Variants in GNB1L observed in about 807,000 individuals in gnomAD.
The protein encoded by GNB1L is guanine nucleotide-binding protein subunit beta-like protein 1.
A neutral mutation model predicts 29.1 loss-of-function variants in GNB1L; 20 were observed. That is an observed-to-expected ratio of 0.69 (90% CI 0.48 to 1.00). The LOEUF is 1.00. GNB1L is among the 50% of genes least tolerant of loss of function. The pLI, the probability that GNB1L is intolerant of heterozygous loss-of-function variation, is 0.00. For synonymous variants in GNB1L, 193 were observed against 206.5 expected (o/e 0.93, Z 0.56); for missense variants, 421 against 464.9 (o/e 0.91, Z 0.87).
rs1376188746 is a variant in GNB1L at position 19,820,639 on chromosome 22, C to T, written c.213G>A (p.Val71=). The change falls in exon 4 of 8, where the codon GTG becomes GTA. Residue 71 remains valine (V), a synonymous_variant. Transcript: ENST00000329517. ...TTLDGHGGQC[V]TWLQTLPQGR... ...CCTGGGGCAGCGTCTGCAGCCAGGT[C>T]ACACACTGGCCGCCGTGGCCATCCA... is the stretch of plus-strand genomic sequence containing the variant. 4 of 1,613,328 alleles carry T rather than the reference C, an allele frequency of 2.5e-6. No individual in the cohort carries two copies. The highest frequency in any genetic ancestry group is 3.4e-6 in the Non-Finnish European group (4 of 1,179,866).
At position 19,821,329 on chromosome 22, in the gene GNB1L, A is replaced by G. The variant is rs772647614; in HGVS notation, c.27T>C (p.Pro9=). Residue 9 remains proline (P), a synonymous_variant, in exon 3 of 8, where the codon CCT becomes CCC. Coordinates refer to ENST00000329517, the MANE Select transcript of GNB1L (RefSeq NM_053004.3). MTAPCPPP[P]PDPQFVLRGT... ...CTCGGAGGACAAACTGGGGGTCTGGAGGTGGCGGCGGGCAGGGGGCCGTCA... is the reference window on the plus strand; with the variant it reads ...CTCGGAGGACAAACTGGGGGTCTGGGGGTGGCGGCGGGCAGGGGGCCGTCA... 6.2e-7 allele frequency: 1 copy of G among 1,612,940 alleles called. No individual in the cohort carries two copies. The highest frequency in any genetic ancestry group is 8.5e-7 in the Non-Finnish European group (1 of 1,179,676).
chr22:19,805,060 C>G (rs1368375194), intron 6 of GNB1L, among the ~76,000 whole-genome samples: 1 of 152,214 alleles, frequency 6.6e-6, no homozygotes, highest in African/African-American at 2.4e-5. Flanking sequence ...CCAGGCTCTG[C>G]TGCAGTCCCT....
chr22:19,801,095 C>G (rs145736946), intron 7 of GNB1L, among the ~76,000 whole-genome samples: 1 of 152,224 alleles, frequency 6.6e-6, no homozygotes, highest in African/African-American at 2.4e-5. Flanking sequence ...CGGGCCCTGT[C>G]CTTGGTGAGG....
intron 2 of GNB1L, among the ~76,000 whole-genome samples, chr22:19,824,451 A>G (rs528421947): frequency 1.3e-5 from 2 of 152,312 alleles, no homozygotes; most frequent in East Asian, 3.9e-4. Context: ...ACAGAGCACA[A>G]CTTTGGCTTC....
chr22:19,799,500 G>A (rs779435980), intron 7 of GNB1L, among the ~76,000 whole-genome samples: 6 of 152,246 alleles, frequency 3.9e-5, no homozygotes, highest in Non-Finnish European at 8.8e-5. Flanking sequence ...AGTGGCTCTC[G>A]TAGCGCATGA....
chr22:19,847,803 G>GAA lies in GNB1L; in HGVS notation c.-21+6639_-21+6640insTT, dbSNP rs1468350618. ...AACTTTTAAAATCCTGGAATCATAGGCAAAAAAAAAAAAAAAAAAAAATTC... is the reference window on the plus strand; with the variant it reads ...AACTTTTAAAATCCTGGAATCATAGGAACAAAAAAAAAAAAAAAAAAAAATTC... On this transcript the variant is annotated intron_variant, in intron 2 of 7. Coordinates refer to ENST00000329517, the MANE Select transcript of GNB1L (RefSeq NM_053004.3). 49 of 440,362 alleles carry GAA rather than the reference G, an allele frequency of 1.1e-4. No individual in the cohort carries two copies. In the African/African-American group the frequency reaches 1.4e-3, roughly 12 times the overall value. 27.3% of individuals were successfully genotyped at this position (440,362 alleles called of 1,614,324 possible).
At chr22:19,852,890 A>G (rs11704083) in intron 2 of GNB1L, among the ~76,000 whole-genome samples, 82,695 of 151,982 alleles carry the variant, frequency 0.54, 24,222 homozygotes, top group African/African-American at 0.78. Context: ...GGAAGCAGCA[A>G]AAACTGGCTG....
chr22:19,810,441 G>A (rs1398407239), intron 5 of GNB1L, among the ~76,000 whole-genome samples: 1 of 152,148 alleles, frequency 6.6e-6, no homozygotes, highest in Non-Finnish European at 1.5e-5. Flanking sequence ...CCCACTCTGG[G>A]CGCTGCAGGA....
chr22:19,801,247 G>T (rs536239747), intron 7 of GNB1L, among the ~76,000 whole-genome samples: 5 of 152,246 alleles, frequency 3.3e-5, no homozygotes, highest in African/African-American at 1.2e-4. Context: ...GTGAATGGGG[G>T]CTCCTTGTCC....
chr22:19,796,851 G>C (rs1041998284), intron 7 of GNB1L, among the ~76,000 whole-genome samples: 1 of 152,136 alleles, frequency 6.6e-6, no homozygotes, highest in Non-Finnish European at 1.5e-5. Context: ...TGGAGGGAGA[G>C]CATGGCAAGG....
At chr22:19,826,291 A>G (rs1337266701) in intron 2 of GNB1L, among the ~76,000 whole-genome samples, 1 of 152,336 alleles carries the variant, frequency 6.6e-6, no homozygotes, top group Non-Finnish European at 1.5e-5. Flanking sequence ...CCTAACTCAC[A>G]CCACCTTGAG....
At chr22:19,833,324 AATT>A (rs1325144654) in intron 2 of GNB1L, among the ~76,000 whole-genome samples, 1 of 152,242 alleles carries the variant, frequency 6.6e-6, no homozygotes, top group Non-Finnish European at 1.5e-5. Flanking sequence ...GAGAAATAGA[AATT>A]ATTTTTTAAA....
intron 4 of GNB1L, among the ~76,000 whole-genome samples, chr22:19,815,827 G>C (rs1487258220): frequency 6.6e-6 from 1 of 152,158 alleles, no homozygotes. Context: ...GCACACCTCA[G>C]CCTCCCTAAG....
At chr22:19,849,874 C>T (rs899672466) in intron 2 of GNB1L, 12 of 985,368 alleles carry the variant, frequency 1.2e-5, no homozygotes, top group African/African-American at 8.7e-5. Flanking sequence ...GCGGCTGTAC[C>T]TGCCTATCCT....
At chr22:19,807,205 C>T (rs1937446675) in intron 5 of GNB1L, among the ~76,000 whole-genome samples, 1 of 152,186 alleles carries the variant, frequency 6.6e-6, no homozygotes, top group Non-Finnish European at 1.5e-5. Context: ...AACCTGGCTC[C>T]CCCACCTGGA....
chr22:19,849,077 A>G, intron 2 of GNB1L: 1 of 985,516 alleles, frequency 1.0e-6, no homozygotes, highest in Non-Finnish European at 1.2e-6. Context: ...GACCTGGCAC[A>G]GAAGCATGGG....
intron 6 of GNB1L, among the ~76,000 whole-genome samples, chr22:19,805,783 A>C (rs901325439): frequency 5.3e-5 from 8 of 150,830 alleles, no homozygotes; most frequent in Admixed American, 2.0e-4. Flanking sequence ...CTCCATCACA[A>C]AAAAAAAATA....
intron 7 of GNB1L, among the ~76,000 whole-genome samples, chr22:19,793,486 G>A (rs999649059): frequency 6.6e-6 from 1 of 152,150 alleles, no homozygotes; most frequent in African/African-American, 2.4e-5. Context: ...AGCCCCAGAA[G>A]GAGGAGAAAG....
At chr22:19,822,395 C>T (rs1053283942) in intron 2 of GNB1L, among the ~76,000 whole-genome samples, 11 of 152,288 alleles carry the variant, frequency 7.2e-5, no homozygotes, top group East Asian at 1.9e-4. Context: ...TTCCCGGGTC[C>T]GTGCCGAGCC....
Sources: allele counts gnomAD v4.1 joint callset (sites outside exome capture counted in the v4.1 genomes callset), GRCh38; gene constraint gnomAD v4.1.1; transcripts MANE v1.5; gene names NCBI Gene and HGNC (gene_info 2026-07-23, HGNC 2026-07-21).